The following TASL variants were observed in gnomAD, a reference collection of about 807,000 sequenced individuals.
TASL encodes the protein TLR adaptor interacting with endolysosomal SLC15A4.
In TASL, 6 loss-of-function variants were observed where a neutral mutation model predicts 12.9. The observed-to-expected ratio is 0.46, with a 90% CI of 0.25 to 0.92. The LOEUF is 0.92. TASL is among the 40% of genes least tolerant of loss of function. TASL has a pLI of 0.17. For synonymous variants in TASL, 85 were observed against 79.3 expected, an observed-to-expected ratio of 1.07 and a Z score of -0.38; for missense variants, 165 against 212.8, an observed-to-expected ratio of 0.78 and a Z score of 1.40.
At chrX:30,567,629 A>G (rs1930518461) in intron 2 of TASL, among the ~76,000 whole-genome samples, 1 of 111,771 alleles carries the variant, frequency 8.9e-6, no homozygotes, top group Admixed American at 9.5e-5. Context: ...AGTGAGAGGA[A>G]GGGGACAAAG....
chrX:30,571,292 AAGAAAGAAAGAAAG>A (rs1569306178), intron 2 of TASL, among the ~76,000 whole-genome samples: 2 of 91,420 alleles, frequency 2.2e-5, no homozygotes, highest in Non-Finnish European at 4.3e-5. Flanking sequence ...GAAAGAAAGA[AAGAAAGAAAGAAAG>A]AAAGAAAGAA....
At position 30,561,860 on chromosome X, in the gene TASL, TA is replaced by T. The variant is rs5901952; in HGVS notation, c.-1-1505del. On this transcript the variant is annotated intron_variant, in intron 2 of 2. Coordinates refer to ENST00000378962, the MANE Select transcript of TASL (RefSeq NM_025159.3). ...GTATGCTGAACACACTTATAAGGATTAAAAAAAAAAAAAAAGTTGTCCTCTC... is the reference window on the plus strand; with the variant it reads ...GTATGCTGAACACACTTATAAGGATTAAAAAAAAAAAAAAGTTGTCCTCTC... Among the ~76,000 whole-genome samples, 327 of 96,500 alleles carry T rather than the reference TA, an allele frequency of 3.4e-3. 1 individual carries two copies. The highest frequency in any genetic ancestry group is 5.6e-3 in the Admixed American group (49 of 8,763). The allele number at this position is 96,500 out of a possible 115,157, so 83.8% of individuals were successfully genotyped here.
At chrX:30,568,121 C>T (rs1218509678) in intron 2 of TASL, among the ~76,000 whole-genome samples, 1 of 110,518 alleles carries the variant, frequency 9.0e-6, no homozygotes, top group African/African-American at 3.3e-5. Context: ...GCCTGTAATC[C>T]CAGCTACTCA....
intron 2 of TASL, among the ~76,000 whole-genome samples, chrX:30,576,242 T>A (rs906634231): frequency 1.8e-5 from 2 of 111,916 alleles, no homozygotes; most frequent in Non-Finnish European, 3.8e-5. Context: ...GGTGTTGTAA[T>A]GTGTTATAGA....
At chrX:30,572,591 T>G (rs1330602099) in intron 2 of TASL, among the ~76,000 whole-genome samples, 1 of 112,096 alleles carries the variant, frequency 8.9e-6, no homozygotes, top group African/African-American at 3.2e-5. Flanking sequence ...TAACTGTAAT[T>G]TTGTATCCTT....
At chrX:30,562,957 G>T (rs1435337308) in intron 2 of TASL, among the ~76,000 whole-genome samples, 2 of 105,339 alleles carry the variant, frequency 1.9e-5, no homozygotes, top group Non-Finnish European at 3.9e-5. Context: ...AAAAACAACA[G>T]GAGAAGAGAC....
Position 30,560,111 on chromosome X carries a change from G to T in TASL, c.245C>A (p.Thr82Lys), listed in dbSNP as rs140764539. The change falls in exon 3 of 3, where the codon ACA (threonine) becomes AAA (lysine). Residue 82 changes from threonine (T) to lysine (K), a missense_variant. Coordinates refer to ENST00000378962, the MANE Select transcript of TASL (RefSeq NM_025159.3). The part of the protein sequence containing the change: ...ESQHSRSQRV[T>K]VLQTNPNPVF... ...AGGATTGGGGTTTGTCTGCAGCACT[G>T]TGACTCTCTGACTTCTGCTATGTTG... 632 of 1,208,832 alleles carry T rather than the reference G, an allele frequency of 5.2e-4. No individual in the cohort carries two copies. Among genetic ancestry groups the T allele is most frequent in the Non-Finnish European group, 6.7e-4 (595 of 894,516 alleles).
In TASL at chrX:30,571,270, G is replaced by GAAAA. The variant is rs758951918; in HGVS notation, c.-2+5481_-2+5482insTTTT. Among the ~76,000 whole-genome samples the GAAAA allele has an allele frequency of 4.3e-4, 21 of 48,529 alleles. No individual in the cohort carries two copies. In the East Asian group the frequency reaches 0.012, roughly 29 times the overall value. 42.1% of individuals were successfully genotyped at this position (48,529 alleles called of 115,157 possible). On this transcript the variant is annotated intron_variant, in intron 2 of 2. Coordinates refer to ENST00000378962, the MANE Select transcript of TASL (RefSeq NM_025159.3). Reference sequence around the variant, plus strand: ...AGAGAAAGAAAGAGAAAGAAAGAAAGAAAGAAAGAAAGAAAGAAAGAAAGA... The same window carrying GAAAA: ...AGAGAAAGAAAGAGAAAGAAAGAAAGAAAAAAAGAAAGAAAGAAAGAAAGAAAGA...
At position 30,560,215 on chromosome X, in the gene TASL, A is replaced by T. The variant is rs774125423; in HGVS notation, c.141T>A (p.Asp47Glu). 5.0e-6 allele frequency: 6 copies of T among 1,211,300 alleles called. No homozygotes were observed. Among genetic ancestry groups the T allele is most frequent in the Non-Finnish European group, 6.7e-6 (6 of 895,340 alleles). The change falls in exon 3 of 3, where the codon GAT becomes GAA. Residue 47 changes from aspartate (D) to glutamate (E), a missense_variant. Transcript: ENST00000378962. ...SVATLSYSSV[D>E]ETQVRSLYVS... ...CGTAGAGACTTCTGACTTGTGTTTC[A>T]TCCACAGAGGAATAGGAAAGGGTAG...
chrX:30,563,892 C>T (rs971141423), intron 2 of TASL, among the ~76,000 whole-genome samples: 2 of 111,516 alleles, frequency 1.8e-5, no homozygotes, highest in Non-Finnish European at 3.8e-5. Flanking sequence ...TTCCCCAACT[C>T]AACAGGCAAC....
intron 1 of TASL, among the ~76,000 whole-genome samples, chrX:30,577,335 A>G (rs1320987945): frequency 8.9e-6 from 1 of 112,517 alleles, no homozygotes; most frequent in Non-Finnish European, 1.9e-5. Flanking sequence ...AAATAACACA[A>G]TAAATATTTG....
intron 2 of TASL, among the ~76,000 whole-genome samples, chrX:30,573,125 A>G (rs1930654600): frequency 8.9e-6 from 1 of 112,311 alleles, no homozygotes; most frequent in East Asian, 2.8e-4. Context: ...TAGATTTTCC[A>G]AATGAGAAAA....
intron 2 of TASL, among the ~76,000 whole-genome samples, chrX:30,571,286 G>GAAAGAAAGAA (rs1930612160): frequency 2.0e-4 from 13 of 64,892 alleles, no homozygotes; most frequent in African/African-American, 3.5e-4. Flanking sequence ...AAGAAAGAAA[G>GAAAGAAAGAA]AAAGAAAGAA....
chrX:30,566,326 G>A (rs1305718507), intron 2 of TASL, among the ~76,000 whole-genome samples: 1 of 109,591 alleles, frequency 9.1e-6, no homozygotes, highest in East Asian at 2.9e-4. Context: ...GGCCAACATA[G>A]TGAAACTCCG....
chrX:30,559,698 C>T lies in TASL; in HGVS notation c.658G>A (p.Glu220Lys), dbSNP rs1384826387. The T allele has an allele frequency of 2.5e-6, 3 of 1,210,378 alleles. No individual in the cohort carries two copies. Among genetic ancestry groups the T allele is most frequent in the Admixed American group, 4.3e-5 (2 of 45,990 alleles). ...TCCATAATGTACTGTTTATATAACT[C>T]CACAACCTTCTGCTCCAGGTACTCA... ...LNEYLEQKVVELYKQYIMDTV... is the reference protein window; with the variant it reads ...LNEYLEQKVVKLYKQYIMDTV... Residue 220 changes from glutamate (E) to lysine (K), a missense_variant, in exon 3 of 3, where the codon GAG becomes AAG. Physicochemically the swap from Glu to Lys is moderately conservative, Grantham distance 56. Coordinates refer to ENST00000378962, the MANE Select transcript of TASL (RefSeq NM_025159.3).
chrX:30,569,528 A>C (rs1368236742), intron 2 of TASL, among the ~76,000 whole-genome samples: 1 of 111,587 alleles, frequency 9.0e-6, no homozygotes, highest in Non-Finnish European at 1.9e-5. Context: ...GAAGCTACTT[A>C]AAGTCCACAG....
chrX:30,560,491 G>A (rs746768207), intron 2 of TASL, 135 bp from the exon 3 acceptor site: 20 of 470,768 alleles, frequency 4.2e-5, no homozygotes, highest in Non-Finnish European at 7.1e-5. Context: ...CTAATTCTGT[G>A]CCTACTGTGT....
chrX:30,559,228 A>G lies in TASL; in HGVS notation c.*222T>C. The G allele has an allele frequency of 2.9e-6, 1 of 346,187 alleles. No individual in the cohort carries two copies. Among genetic ancestry groups the G allele is most frequent in the South Asian group, 1.0e-4 (1 of 9,825 alleles). 28.5% of individuals were successfully genotyped at this position (346,187 alleles called of 1,213,427 possible). A position where few individuals can be genotyped will look rare whatever the true frequency, so the allele number is the denominator to read the frequency against. On this transcript the variant is annotated 3_prime_UTR_variant, in exon 3 of 3. Coordinates refer to ENST00000378962, the MANE Select transcript of TASL (RefSeq NM_025159.3). ...TTATTTTTGCTTCCTTGCTGTACAC[A>G]CCTCTCTTTGAAATCATTCCTTATG...
At chrX:30,572,926 C>A (rs928379690) in intron 2 of TASL, among the ~76,000 whole-genome samples, 2 of 111,804 alleles carry the variant, frequency 1.8e-5, no homozygotes, top group Admixed American at 1.9e-4. Context: ...GGCTTACCTA[C>A]CCTTGACCTA....
Sources: allele counts gnomAD v4.1 joint callset (sites outside exome capture counted in the v4.1 genomes callset), GRCh38; gene constraint gnomAD v4.1.1; transcripts MANE v1.5; gene names NCBI Gene and HGNC (gene_info 2026-07-23, HGNC 2026-07-21).